Variants in PTPRQ observed in about 807,000 individuals in gnomAD.
PTPRQ encodes protein tyrosine phosphatase receptor type Q, also known as phosphatidylinositol phosphatase PTPRQ.
PTPRQ carries 199 observed loss-of-function variants against 246.0 expected under a neutral mutation model. The observed-to-expected ratio is 0.81, with a 90% CI of 0.72 to 0.91. The LOEUF (loss-of-function observed/expected upper bound fraction) is 0.91. Among genes scored for constraint, PTPRQ ranks in the 40% least tolerant of loss-of-function variants. PTPRQ has a pLI of 0.00. For missense variants in PTPRQ, 2,624 were observed against 2,528.4 expected, an observed-to-expected ratio of 1.04 and a Z score of -0.81; for synonymous variants, 869 against 853.2, an observed-to-expected ratio of 1.02 and a Z score of -0.32.
At chr12:80,574,130 A>G (rs1005774625) in intron 25 of PTPRQ, among the ~76,000 whole-genome samples, 1 of 152,134 alleles carries the variant, frequency 6.6e-6, no homozygotes, top group Non-Finnish European at 1.5e-5. Flanking sequence ...TAATTAACTG[A>G]TCCTTTGATC....
At chr12:80,582,476 G>T (rs1897474304) in intron 25 of PTPRQ, among the ~76,000 whole-genome samples, 1 of 152,128 alleles carries the variant, frequency 6.6e-6, no homozygotes, top group African/African-American at 2.4e-5. Context: ...TAGGTCATTA[G>T]GGTAGAACCC....
At chr12:80,626,378 C>T (rs991973359) in intron 33 of PTPRQ, among the ~76,000 whole-genome samples, 3 of 151,976 alleles carry the variant, frequency 2.0e-5, no homozygotes, top group Non-Finnish European at 2.9e-5. Flanking sequence ...AATACTAATA[C>T]TCATTTTAGA....
At chr12:80,606,710 C>T (rs1898336254) in intron 27 of PTPRQ, among the ~76,000 whole-genome samples, 1 of 150,730 alleles carries the variant, frequency 6.6e-6, no homozygotes, top group Non-Finnish European at 1.5e-5. Flanking sequence ...TCTCAAAAGA[C>T]CTGTCATCAT....
At chr12:80,605,319 T>C (rs1307841849) in intron 27 of PTPRQ, 139 bp downstream of exon 27, 1 of 1,112,372 alleles carries the variant, frequency 9.0e-7, no homozygotes, top group Non-Finnish European at 1.2e-6. Flanking sequence ...TTTCAATGTC[T>C]ACATCTGTAA....
intron 38 of PTPRQ, among the ~76,000 whole-genome samples, chr12:80,657,169 T>C (rs1436482492): frequency 6.6e-6 from 1 of 151,816 alleles, no homozygotes; most frequent in East Asian, 1.9e-4. Context: ...TTAACATACT[T>C]TTTTTAAATA....
Position 80,569,580 on chromosome 12 carries a change from C to CA in PTPRQ, c.4286-18541dup, listed in dbSNP as rs924330501. 1.3e-4 allele frequency among the ~76,000 whole-genome samples: 20 copies of CA among 150,884 alleles called. No homozygotes were observed. The East Asian group carries it at 3.7e-3, about 28-fold the overall frequency. On this transcript the variant is annotated intron_variant, in intron 25 of 44. Coordinates refer to ENST00000644991, the MANE Select transcript of PTPRQ (RefSeq NM_001145026.2). The stretch of plus-strand genomic sequence containing the variant: ...ACAAAACAAAACAAAAAGAACAAAA[C>CA]AAAAAAAATTTGATTTTTTTTTTTT...
intron 39 of PTPRQ, among the ~76,000 whole-genome samples, chr12:80,663,182 A>C (rs1345473821): frequency 6.6e-6 from 1 of 151,988 alleles, no homozygotes; most frequent in Non-Finnish European, 1.5e-5. Context: ...AATATTTCAA[A>C]TCCTGGAAAA....
chr12:80,511,349 A>G (rs1270506662), intron 17 of PTPRQ, among the ~76,000 whole-genome samples: 1 of 152,112 alleles, frequency 6.6e-6, no homozygotes, highest in Non-Finnish European at 1.5e-5. Flanking sequence ...AGTCGTGACG[A>G]AAGTGGGAGT....
chr12:80,449,882 C>T (rs1892692551), intron 3 of PTPRQ, among the ~76,000 whole-genome samples: 1 of 151,972 alleles, frequency 6.6e-6, no homozygotes, highest in African/African-American at 2.4e-5. Context: ...TCCATATGAA[C>T]TTTAAAGTAG....
intron 25 of PTPRQ, among the ~76,000 whole-genome samples, chr12:80,550,718 T>C (rs974702746): frequency 6.6e-6 from 1 of 152,118 alleles, no homozygotes; most frequent in African/African-American, 2.4e-5. Flanking sequence ...AAAATAGAAA[T>C]GATTCTACTT....
At chr12:80,634,416 T>A (rs1200808551) in intron 34 of PTPRQ, among the ~76,000 whole-genome samples, 1 of 152,176 alleles carries the variant, frequency 6.6e-6, no homozygotes, top group Non-Finnish European at 1.5e-5. Flanking sequence ...GTTTTCTGAT[T>A]GTAAAGATAA....
intron 3 of PTPRQ, among the ~76,000 whole-genome samples, chr12:80,452,438 T>C (rs1298290336): frequency 6.6e-6 from 1 of 152,222 alleles, no homozygotes; most frequent in Non-Finnish European, 1.5e-5. Context: ...TGCTCGTTAG[T>C]TGATGCAGTT....
chr12:80,645,226 A>G (rs986495751), intron 35 of PTPRQ, among the ~76,000 whole-genome samples: 1 of 152,090 alleles, frequency 6.6e-6, no homozygotes, highest in Non-Finnish European at 1.5e-5. Context: ...TTGTTCATTT[A>G]TCTAACTTCC....
chr12:80,673,947 G>A (rs548341191), intron 43 of PTPRQ, among the ~76,000 whole-genome samples: 1 of 152,120 alleles, frequency 6.6e-6, no homozygotes, highest in African/African-American at 2.4e-5. Context: ...CCCTTCACAT[G>A]TATTATCTTA....
chr12:80,597,111 CCAAA>C (rs1897995147), intron 26 of PTPRQ, among the ~76,000 whole-genome samples: 1 of 151,858 alleles, frequency 6.6e-6, no homozygotes, highest in South Asian at 2.1e-4. Flanking sequence ...CAATCATCTC[CCAAA>C]ACAAATTGAG....
intron 17 of PTPRQ, among the ~76,000 whole-genome samples, chr12:80,525,649 T>C (rs1392687410): frequency 1.5e-5 from 2 of 132,100 alleles, no homozygotes; most frequent in African/African-American, 3.6e-5. Context: ...ATATTCTCTC[T>C]CTCTGTCTCT....
intron 25 of PTPRQ, among the ~76,000 whole-genome samples, chr12:80,580,268 T>G (rs1478721840): frequency 6.6e-6 from 1 of 152,150 alleles, no homozygotes; most frequent in Non-Finnish European, 1.5e-5. Flanking sequence ...TAAGAATAAT[T>G]TATGAATAAA....
chr12:80,484,796 T>C (rs1450359914), intron 9 of PTPRQ, among the ~76,000 whole-genome samples, 191 bp downstream of exon 9: 1 of 152,164 alleles, frequency 6.6e-6, no homozygotes, highest in African/African-American at 2.4e-5. Context: ...ATTAGTTAAG[T>C]GCTATTATTC....
At chr12:80,586,132 C>T (rs1186844158) in intron 25 of PTPRQ, among the ~76,000 whole-genome samples, 2 of 151,854 alleles carry the variant, frequency 1.3e-5, no homozygotes, top group African/African-American at 2.4e-5. Context: ...TCCAGTCTAT[C>T]ATTGTTGGAC....
Sources: gnomAD v4.1 joint callset for allele counts (sites outside exome capture counted in the v4.1 genomes callset) on GRCh38, gnomAD v4.1.1 for gene constraint, MANE v1.5 for transcripts, NCBI Gene and HGNC (gene_info 2026-07-23, HGNC 2026-07-21) for gene names.